Variants in DERL3 observed in about 807,000 individuals in gnomAD.
The protein encoded by DERL3 is derlin 3, also known as derlin-3.
DERL3 carries 20 observed loss-of-function variants against 23.8 expected under a neutral mutation model. The ratio of observed to expected loss-of-function variants is 0.84; its 90% CI spans 0.59 to 1.22. The LOEUF is 1.22. Among genes scored for constraint, DERL3 ranks in the 50% most tolerant of loss-of-function variants. The pLI is 0.00. For synonymous variants in DERL3, 145 were observed against 132.5 expected (o/e 1.09, Z -0.65); for missense variants, 319 against 304.1 (o/e 1.05, Z -0.36).
Position 23,835,424 on chromosome 22 carries a change from C to T in DERL3, c.*1445G>A. 1.0e-6 allele frequency: 1 copy of T among 986,848 alleles called. No homozygotes were observed. The highest frequency in any genetic ancestry group is 4.7e-5 in the South Asian group (1 of 21,314). The allele number at this position is 986,848 out of a possible 1,614,324, so 61.1% of individuals were successfully genotyped here. A position where few individuals can be genotyped will look rare whatever the true frequency, so the allele number is the denominator to read the frequency against. Reference sequence around the variant, plus strand: ...GGCTAGGGTCAGAGGCTGCTGTGCTCCCTGGAAGTGGGGTAGGGCCCCATG... The same window carrying T: ...GGCTAGGGTCAGAGGCTGCTGTGCTTCCTGGAAGTGGGGTAGGGCCCCATG... On this transcript the variant is annotated 3_prime_UTR_variant, in exon 7 of 7. Transcript: ENST00000318109.
chr22:23,837,922 G>A (rs1272395583), intron 4 of DERL3, 68 bp from the exon 5 acceptor site: 2 of 1,475,266 alleles, frequency 1.4e-6, no homozygotes, highest in East Asian at 2.4e-5. Context: ...GACTTCCCAA[G>A]ACCCTGGAAT....
At chr22:23,837,432 T>G in intron 5 of DERL3, 1 of 646,726 alleles carries the variant, frequency 1.5e-6, no homozygotes, top group South Asian at 2.0e-5. Context: ...CTCACTCCCA[T>G]CAGGACCGTG....
In DERL3 at chr22:23,836,546, AGC is replaced by A; in HGVS notation, c.*321_*322del. ...TGAGCCTGTCACCTGTGAGCTCAAA[AGC>A]TCTGCCTGGCAACCTGTGAGCTCAA... On this transcript the variant is annotated 3_prime_UTR_variant, in exon 7 of 7. Transcript: ENST00000318109. 9.4e-7 allele frequency: 1 copy of A among 1,067,950 alleles called. No homozygotes were observed. The highest frequency in any genetic ancestry group is 1.1e-6 in the Non-Finnish European group (1 of 884,790). 66.2% of individuals were successfully genotyped at this position (1,067,950 alleles called of 1,614,324 possible).
At position 23,838,407 on chromosome 22, in the gene DERL3, C is replaced by T; in HGVS notation, c.272G>A (p.Arg91His). The T allele has an allele frequency of 3.1e-6, 5 of 1,609,808 alleles. No homozygotes were observed. The highest frequency in any genetic ancestry group is 2.5e-6 in the Non-Finnish European group (3 of 1,178,068). ...YCRMLEEGSFRGRTADFVFMF... is the reference protein window; with the variant it reads ...YCRMLEEGSFHGRTADFVFMF... ...GAAGACGAAGTCGGCCGTGCGGCCGCGGAAGGAGCCCTCTTCCAGCATGCG... is the reference window on the plus strand; with the variant it reads ...GAAGACGAAGTCGGCCGTGCGGCCGTGGAAGGAGCCCTCTTCCAGCATGCG... Residue 91 changes from arginine to histidine, a missense_variant, in exon 4 of 7, where the codon CGC becomes CAC. Coordinates refer to ENST00000318109, the MANE Select transcript of DERL3 (RefSeq NM_001002862.3).
chr22:23,836,949 C>T lies in DERL3; in HGVS notation c.628G>A (p.Asp210Asn), dbSNP rs1355936264. ...QTPGFLKLLL[D>N]APAEDPNYLP... Reference sequence around the variant, plus strand: ...TAATTGGGGTCTTCTGCAGGGGCATCCAGGAGCAGCTTTCTGTGGGGAGGG... The same window carrying T: ...TAATTGGGGTCTTCTGCAGGGGCATTCAGGAGCAGCTTTCTGTGGGGAGGG... Residue 210 changes from aspartate (D) to asparagine (N), a missense_variant, in exon 7 of 7, where the codon GAT becomes AAT. By Grantham distance (23) the Asp-to-Asn change is conservative (BLOSUM62 1). Transcript: ENST00000318109. 6.3e-7 allele frequency: 1 copy of T among 1,591,392 alleles called. No individual in the cohort carries two copies. Among genetic ancestry groups the T allele is most frequent in the Non-Finnish European group, 8.5e-7 (1 of 1,169,598 alleles).
At chr22:23,837,029 G>A (rs764530283) in intron 6 of DERL3, 35 bp downstream of exon 6, 4 of 1,613,186 alleles carry the variant, frequency 2.5e-6, no homozygotes, top group Non-Finnish European at 3.4e-6. Flanking sequence ...TCCTTCTGAG[G>A]GTGGGGAGAG....
rs1349169297 is a variant in DERL3 at position 23,835,753 on chromosome 22, G to T, written c.*1116C>A. On this transcript the variant is annotated 3_prime_UTR_variant, in exon 7 of 7. Coordinates refer to ENST00000318109, the MANE Select transcript of DERL3 (RefSeq NM_001002862.3). ...AGGTAGGAACCTCGGCAATGAAAGG[G>T]TGAGGCAGCCCTGTGTCTCCACAAC... 1.0e-6 allele frequency: 1 copy of T among 985,360 alleles called. No individual in the cohort carries two copies. The highest frequency in any genetic ancestry group is 6.1e-5 in the Admixed American group (1 of 16,274). 61.0% of individuals were successfully genotyped at this position (985,360 alleles called of 1,614,324 possible).
In DERL3 at chr22:23,838,606, A is replaced by C. The variant is rs1000643410; in HGVS notation, c.191T>G (p.Phe64Cys). 6.4e-7 allele frequency: 1 copy of C among 1,571,574 alleles called. No homozygotes were observed. Among genetic ancestry groups the C allele is most frequent in the African/African-American group, 1.4e-5 (1 of 73,048 alleles). The change falls in exon 3 of 7, where the codon TTC (phenylalanine) becomes TGC (cysteine). Residue 64 changes from phenylalanine (F) to cysteine (C), a missense_variant. Transcript: ENST00000318109. ...GAAGAAGCTGAATCCCAGGGGCCCG[A>C]AGAAGAGGAAGTTGGTGACGAGCCT... Reference protein sequence around the residue: ...VWRLVTNFLFFGPLGFSFFFN... With the variant: ...VWRLVTNFLFCGPLGFSFFFN...
intron 4 of DERL3, 75 bp downstream of exon 4, chr22:23,838,277 G>C: frequency 6.4e-7 from 1 of 1,553,374 alleles, no homozygotes; most frequent in Non-Finnish European, 8.7e-7. Flanking sequence ...GCATGGCTGT[G>C]TTGGCCCCAG....
At position 23,836,966 on chromosome 22, in the gene DERL3, T is replaced by TG; in HGVS notation, c.615-5dup. 1 of 1,573,690 alleles carries TG rather than the reference T, an allele frequency of 6.4e-7. No individual in the cohort carries two copies. The highest frequency in any genetic ancestry group is 8.6e-7 in the Non-Finnish European group (1 of 1,160,320). ...AGGGGCATCCAGGAGCAGCTTTCTGTGGGGAGGGGCCCGTGTTGAGCACAG... is the reference window on the plus strand; with the variant it reads ...AGGGGCATCCAGGAGCAGCTTTCTGTGGGGGAGGGGCCCGTGTTGAGCACAG... On this transcript the variant is annotated splice_polypyrimidine_tract_variant and splice_region_variant and intron_variant, in intron 6 of 6. Transcript: ENST00000318109.
In DERL3 at chr22:23,834,806, C is replaced by A; in HGVS notation, c.*2063G>T. The A allele has an allele frequency of 6.2e-7, 1 of 1,605,312 alleles. No individual in the cohort carries two copies. Among genetic ancestry groups the A allele is most frequent in the South Asian group, 1.1e-5 (1 of 89,740 alleles). ...CTCTGCCTTTCAGGAACAGCCCTAA[C>A]CCTGCTCCCCTTGCTTGGCCTCAGG... On this transcript the variant is annotated 3_prime_UTR_variant, in exon 7 of 7. Transcript: ENST00000318109.
chr22:23,836,989 C>G lies in DERL3; in HGVS notation c.615-27G>C, dbSNP rs201370576. On this transcript the variant is annotated intron_variant, in intron 6 of 6. Coordinates refer to ENST00000318109, the MANE Select transcript of DERL3 (RefSeq NM_001002862.3). ...TGTGGGGAGGGGCCCGTGTTGAGCACAGGCCAGCACAGGTCCCCATCGGTG... is the reference window on the plus strand; with the variant it reads ...TGTGGGGAGGGGCCCGTGTTGAGCAGAGGCCAGCACAGGTCCCCATCGGTG... 9,517 of 1,606,554 alleles carry G rather than the reference C, an allele frequency of 5.9e-3. 333 individuals are homozygous for G. The South Asian group carries it at 0.073, about 12-fold the overall frequency.
Position 23,838,367 on chromosome 22 carries a change from C to G in DERL3, c.312G>C (p.Gly104=). 1 of 1,608,268 alleles carries G rather than the reference C, an allele frequency of 6.2e-7. No homozygotes were observed. Among genetic ancestry groups the G allele is most frequent in the Non-Finnish European group, 8.5e-7 (1 of 1,177,486 alleles). Residue 104 remains glycine, a synonymous_variant, in exon 4 of 7, where the codon GGG becomes GGC. Coordinates refer to ENST00000318109, the MANE Select transcript of DERL3 (RefSeq NM_001002862.3). Reference sequence around the variant, plus strand: ...GGAAGGATACGGTCATAAGGACGCCCCCGAAGAGAAACATGAAGACGAAGT... The same window carrying G: ...GGAAGGATACGGTCATAAGGACGCCGCCGAAGAGAAACATGAAGACGAAGT... ...TADFVFMFLF[G]GVLMTLLGLL...
rs2031279561 is a variant in DERL3, at chr22:23,838,400, G to A, written c.279C>T (p.Arg93=). Residue 93 remains arginine, a synonymous_variant, in exon 4 of 7, where the codon CGC becomes CGT. Transcript: ENST00000318109. The part of the protein sequence containing the change: ...RMLEEGSFRG[R]TADFVFMFLF... Reference sequence around the variant, plus strand: ...GAAACATGAAGACGAAGTCGGCCGTGCGGCCGCGGAAGGAGCCCTCTTCCA... The same window carrying A: ...GAAACATGAAGACGAAGTCGGCCGTACGGCCGCGGAAGGAGCCCTCTTCCA... 6.2e-7 allele frequency: 1 copy of A among 1,610,256 alleles called. No individual in the cohort carries two copies. Among genetic ancestry groups the A allele is most frequent in the Non-Finnish European group, 8.5e-7 (1 of 1,178,286 alleles).
At position 23,834,880 on chromosome 22, in the gene DERL3, G is replaced by A. The variant is rs780411547; in HGVS notation, c.*1989C>T. On this transcript the variant is annotated 3_prime_UTR_variant, in exon 7 of 7. Transcript: ENST00000318109. The stretch of plus-strand genomic sequence containing the variant: ...GTCCCTGGGCCGCCCTGGCTCTGCT[G>A]TGTCCAGATGGTCAGGCTACTGCCA... 6.2e-7 allele frequency: 1 copy of A among 1,612,536 alleles called. No individual in the cohort carries two copies. The highest frequency in any genetic ancestry group is 8.5e-7 in the Non-Finnish European group (1 of 1,179,792).
chr22:23,837,257 G>GC, intron 5 of DERL3, 103 bp from the exon 6 acceptor site: 1 of 1,425,330 alleles, frequency 7.0e-7, no homozygotes, highest in Non-Finnish European at 9.6e-7. Flanking sequence ...GGCCCTGCAG[G>GC]CCCCACAGCA....
chr22:23,836,809 A>AG lies in DERL3; in HGVS notation c.*59dup. ...AGGATGGGTTTTTTCTGCCCCAAGT[A>AG]GGGGTCATGGGTAGGATGGAAGCTG... On this transcript the variant is annotated 3_prime_UTR_variant, in exon 7 of 7. Transcript: ENST00000318109. The AG allele has an allele frequency of 7.0e-7, 1 of 1,419,788 alleles. No homozygotes were observed. Among genetic ancestry groups the AG allele is most frequent in the Non-Finnish European group, 9.2e-7 (1 of 1,086,074 alleles). The allele number at this position is 1,419,788 out of a possible 1,614,324, so 87.9% of individuals were successfully genotyped here.
rs1195462502 is a variant in DERL3 at position 23,837,792 on chromosome 22, G to A, written c.390C>T (p.Tyr130=). 3 of 1,613,732 alleles carry A rather than the reference G, an allele frequency of 1.9e-6. No homozygotes were observed. The highest frequency in any genetic ancestry group is 1.1e-5 in the South Asian group (1 of 91,090). The part of the protein sequence containing the change: ...LGQALMAMLV[Y]VWSRRSPRVR... ...CCCGAGGGCTGCGGCGGCTCCACAC[G>A]TACACCAGCATGGCCATGAGGGCCT... The change falls in exon 5 of 7, where the codon TAC becomes TAT. Residue 130 remains tyrosine (Y), a synonymous_variant. Transcript: ENST00000318109.
At position 23,836,314 on chromosome 22, in the gene DERL3, G is replaced by A. The variant is rs2031043034; in HGVS notation, c.*555C>T. On this transcript the variant is annotated 3_prime_UTR_variant, in exon 7 of 7. Transcript: ENST00000318109. The stretch of plus-strand genomic sequence containing the variant: ...CATACGCCCACCTGTCAGGGTGGCT[G>A]ATGAGAGACAGGAGAGGCTAGATTG... The A allele has an allele frequency of 1.0e-6, 1 of 985,528 alleles. No homozygotes were observed. The highest frequency in any genetic ancestry group is 1.7e-5 in the African/African-American group (1 of 57,388). 61.0% of individuals were successfully genotyped at this position (985,528 alleles called of 1,614,324 possible). A position where few individuals can be genotyped will look rare whatever the true frequency, so the allele number is the denominator to read the frequency against.
Sources: allele counts gnomAD v4.1 joint callset, GRCh38; gene constraint gnomAD v4.1.1; transcripts MANE v1.5; gene names NCBI Gene and HGNC (gene_info 2026-07-23, HGNC 2026-07-21).